Variants in CSMD1 observed in about 807,000 individuals in gnomAD.
CSMD1 encodes CUB and Sushi multiple domains 1.
CSMD1 carries 213 observed loss-of-function variants against 417.5 expected under a neutral mutation model. The ratio of observed to expected loss-of-function variants is 0.51; its 90% confidence interval spans 0.46 to 0.57. CSMD1 has a LOEUF of 0.57. Among genes scored for constraint, CSMD1 ranks in the 20% least tolerant of loss-of-function variants. The probability of loss-of-function intolerance (pLI) is 0.00; values close to 1 mark genes in which losing one functional copy is unlikely to be tolerated. For missense variants in CSMD1, 6,923 were observed against 4,529.7 expected, an observed-to-expected ratio of 1.53 and a Z score of -15.17; for synonymous variants, 2,862 against 1,736.8, an observed-to-expected ratio of 1.65 and a Z score of -16.11.
At chr8:4,258,058 C>G (rs1010743970) in intron 3 of CSMD1, among the ~76,000 whole-genome samples, 10 of 151,830 alleles carry the variant, frequency 6.6e-5, no homozygotes, top group Admixed American at 5.9e-4. Context: ...ATCCTCCCAC[C>G]TCAGCCTCCC....
intron 5 of CSMD1, among the ~76,000 whole-genome samples, chr8:3,757,615 C>A (rs1412451471): frequency 6.6e-6 from 1 of 152,126 alleles, no homozygotes; most frequent in Non-Finnish European, 1.5e-5. Flanking sequence ...GTAATCCCAG[C>A]ACTTTGGGAT....
At chr8:4,832,844 G>A (rs1800234296) in intron 1 of CSMD1, among the ~76,000 whole-genome samples, 1 of 152,088 alleles carries the variant, frequency 6.6e-6, no homozygotes, top group Non-Finnish European at 1.5e-5. Context: ...GATAAAAGCA[G>A]GTGCATGTGT....
chr8:4,763,902 C>G lies in CSMD1; in HGVS notation c.86-126344G>C, dbSNP rs149263051. Among the ~76,000 whole-genome samples the G allele has an allele frequency of 1.7e-3, 260 of 152,296 alleles. 1 individual carries two copies. Among genetic ancestry groups the G allele is most frequent in the Middle Eastern group, 0.01 (3 of 294 alleles). On this transcript the variant is annotated intron_variant, in intron 1 of 69. Coordinates refer to ENST00000635120, the MANE Select transcript of CSMD1 (RefSeq NM_033225.6). The stretch of plus-strand genomic sequence containing the variant: ...ATGATTAAGCCACGACTACATAACC[C>G]TGAGCACTTCAAAATATTGAGTCTG...
chr8:4,069,967 T>C (rs1040960553), intron 3 of CSMD1, among the ~76,000 whole-genome samples: 1 of 152,198 alleles, frequency 6.6e-6, no homozygotes, highest in African/African-American at 2.4e-5. Context: ...TCTCTACTTT[T>C]GTTTTTCTGT....
chr8:4,503,691 C>G (rs1039869466), intron 2 of CSMD1, among the ~76,000 whole-genome samples: 1 of 152,022 alleles, frequency 6.6e-6, no homozygotes, highest in Non-Finnish European at 1.5e-5. Flanking sequence ...AACCTGGACT[C>G]GTCTAATGAA....
rs10635075 is a variant in CSMD1 at position 3,926,014 on chromosome 8, TACACAC to T, written c.818+71883_818+71888del. 1.1e-3 allele frequency among the ~76,000 whole-genome samples: 138 copies of T among 123,452 alleles called. 2 individuals carry two copies. Among genetic ancestry groups the T allele is most frequent in the East Asian group, 3.4e-3 (13 of 3,770 alleles). 81.0% of individuals were successfully genotyped at this position (123,452 alleles called of 152,430 possible). On this transcript the variant is annotated intron_variant, in intron 5 of 69. Transcript: ENST00000635120. ...ATGAAACTAATTGTCTATTTGTCTA[TACACAC>T]ACACACACACACACACACACACAAA...
intron 3 of CSMD1, among the ~76,000 whole-genome samples, chr8:4,336,905 C>A (rs1176574316): frequency 6.6e-6 from 1 of 151,980 alleles, no homozygotes; most frequent in Non-Finnish European, 1.5e-5. Context: ...GCCTAATTTC[C>A]ATAATAAATA....
At chr8:2,959,056 G>A (rs1030197723) in intron 62 of CSMD1, among the ~76,000 whole-genome samples, 7 of 152,218 alleles carry the variant, frequency 4.6e-5, no homozygotes, top group African/African-American at 1.7e-4. Flanking sequence ...AAGATTCAAT[G>A]ATGGGAAAGC....
rs978145941 is a variant in CSMD1 at position 3,171,462 on chromosome 8, G to C, written c.5726-9185C>G. 2.6e-5 allele frequency among the ~76,000 whole-genome samples: 4 copies of C among 152,256 alleles called. No individual in the cohort carries two copies. In the East Asian group the frequency reaches 5.8e-4, roughly 22 times the overall value. On this transcript the variant is annotated intron_variant, in intron 37 of 69. Transcript: ENST00000635120. The stretch of plus-strand genomic sequence containing the variant: ...CCTGTGTCTAGAGCCTTGATCAAAA[G>C]TATGACAGGACTGAGGTTTTCATAA...
intron 7 of CSMD1, among the ~76,000 whole-genome samples, chr8:3,667,707 G>C (rs974749769): frequency 6.6e-6 from 1 of 152,204 alleles, no homozygotes. Flanking sequence ...TGAGCTGTTA[G>C]AGGATTAGTA....
chr8:4,577,096 A>G (rs1003033268), intron 2 of CSMD1, among the ~76,000 whole-genome samples: 1 of 152,194 alleles, frequency 6.6e-6, no homozygotes, highest in African/African-American at 2.4e-5. Context: ...GTATATACAC[A>G]CACATATATA....
intron 3 of CSMD1, among the ~76,000 whole-genome samples, chr8:4,411,628 T>A (rs576467723): frequency 6.6e-6 from 1 of 152,180 alleles, no homozygotes; most frequent in Non-Finnish European, 1.5e-5. Flanking sequence ...TTCCACCTGC[T>A]CATTCCATTC....
intron 4 of CSMD1, among the ~76,000 whole-genome samples, chr8:4,025,797 G>C (rs1234305314): frequency 6.6e-6 from 1 of 152,140 alleles, no homozygotes; most frequent in Non-Finnish European, 1.5e-5. Context: ...AAGCAAAGGT[G>C]ACTGGCCTCT....
At chr8:3,443,109 C>T (rs1815093506) in intron 12 of CSMD1, among the ~76,000 whole-genome samples, 1 of 152,158 alleles carries the variant, frequency 6.6e-6, no homozygotes, top group African/African-American at 2.4e-5. Flanking sequence ...CTTATGATGC[C>T]TTTTCTAGCA....
intron 3 of CSMD1, among the ~76,000 whole-genome samples, chr8:4,173,818 T>C (rs964280608): frequency 6.6e-6 from 1 of 152,152 alleles, no homozygotes; most frequent in Non-Finnish European, 1.5e-5. Context: ...TGAGGAACAA[T>C]CTGATCAGGC....
chr8:3,185,259 A>C (rs2129049156), intron 36 of CSMD1, among the ~76,000 whole-genome samples: 1 of 152,340 alleles, frequency 6.6e-6, no homozygotes, highest in Middle Eastern at 3.4e-3. Flanking sequence ...TTTATGTCAA[A>C]CATATTTTTT....
chr8:4,021,193 T>A (rs1264648320), intron 4 of CSMD1, among the ~76,000 whole-genome samples: 2 of 152,214 alleles, frequency 1.3e-5, no homozygotes, highest in African/African-American at 4.8e-5. Context: ...CAAAATGGCA[T>A]AACTGAAATA....
Position 3,118,291 on chromosome 8 carries a change from A to C in CSMD1, c.6430+108T>G, listed in dbSNP as rs1298927978. 6.4e-6 allele frequency: 5 copies of C among 780,650 alleles called. No homozygotes were observed. In the African/African-American group the frequency reaches 8.9e-5, roughly 14 times the overall value. 48.4% of individuals were successfully genotyped at this position (780,650 alleles called of 1,614,324 possible). A position where few individuals can be genotyped will look rare whatever the true frequency, so the allele number is the denominator to read the frequency against. On this transcript the variant is annotated intron_variant, in intron 42 of 69. Coordinates refer to ENST00000635120, the MANE Select transcript of CSMD1 (RefSeq NM_033225.6). Reference sequence around the variant, plus strand: ...GTAAAACATAATAGATTCTCAACGAATATTTATTGAATACATTAATAAATT... The same window carrying C: ...GTAAAACATAATAGATTCTCAACGACTATTTATTGAATACATTAATAAATT...
At chr8:3,560,883 T>C (rs912167849) in intron 10 of CSMD1, among the ~76,000 whole-genome samples, 5 of 152,210 alleles carry the variant, frequency 3.3e-5, no homozygotes, top group Admixed American at 2.6e-4. Context: ...CATTTACTGA[T>C]TGATTCTTCC....
Sources: allele counts gnomAD v4.1 joint callset (sites outside exome capture counted in the v4.1 genomes callset), GRCh38; gene constraint gnomAD v4.1.1; transcripts MANE v1.5; gene names NCBI Gene and HGNC (gene_info 2026-07-23, HGNC 2026-07-21).